IL27RA: variants seen among roughly 807,000 people sequenced by gnomAD.
IL27RA encodes interleukin 27 receptor subunit alpha.
Under a neutral mutation model 80.8 loss-of-function variants are expected in IL27RA, and 61 were observed. The observed-to-expected ratio is 0.76, with a 90% CI of 0.61 to 0.93. The LOEUF (loss-of-function observed/expected upper bound fraction) is 0.93, where lower values mean the gene tolerates loss of function less well. Among genes scored for constraint, IL27RA ranks in the 40% least tolerant of loss-of-function variants. The pLI is 0.00. For missense variants in IL27RA, 735 were observed against 808.1 expected, an observed-to-expected ratio of 0.91 and a Z score of 1.10; for synonymous variants, 316 against 332.5, an observed-to-expected ratio of 0.95 and a Z score of 0.54.
chr19:14,041,056 A>G (rs750484186), intron 4 of IL27RA, among the ~76,000 whole-genome samples: 5 of 151,900 alleles, frequency 3.3e-5, no homozygotes, highest in Non-Finnish European at 7.4e-5. Context: ...GGCATGTGCC[A>G]TCATGCCCGG....
rs1405370086 is a variant in IL27RA at position 14,039,519 on chromosome 19, A to G, written c.230A>G (p.Lys77Arg). ...HLQSQKYRSN[K>R]TQTVAVAAGR... ...CTCTCTCCTCACAGCCGTTCCAACA[A>G]AACCCAGACTGTGGCAGTGGCAGCC... The change falls in exon 3 of 14, where the codon AAA (lysine) becomes AGA (arginine). Residue 77 changes from lysine to arginine, a missense_variant. Coordinates refer to ENST00000263379, the MANE Select transcript of IL27RA (RefSeq NM_004843.4). 1.2e-6 allele frequency: 2 copies of G among 1,613,160 alleles called. No homozygotes were observed. Among genetic ancestry groups the G allele is most frequent in the Admixed American group, 1.7e-5 (1 of 59,890 alleles).
chr19:14,039,007 A>G (rs1236454336), intron 2 of IL27RA, among the ~76,000 whole-genome samples: 5 of 151,444 alleles, frequency 3.3e-5, no homozygotes, highest in African/African-American at 1.2e-4. Context: ...AGTTATGACC[A>G]GGTATGGTGG....
intron 4 of IL27RA, among the ~76,000 whole-genome samples, chr19:14,041,641 C>T (rs558890507): frequency 2.4e-4 from 36 of 152,172 alleles, no homozygotes; most frequent in Non-Finnish European, 4.4e-4. Context: ...TTACCACTTC[C>T]TGCTATACCT....
chr19:14,038,537 T>G (rs1425803342), intron 2 of IL27RA, among the ~76,000 whole-genome samples: 6 of 141,958 alleles, frequency 4.2e-5, no homozygotes, highest in Admixed American at 1.5e-4. Flanking sequence ...ATGATCGCAC[T>G]GCTCCAGTTA....
At chr19:14,040,695 G>A (rs893145332) in intron 4 of IL27RA, among the ~76,000 whole-genome samples, 1 of 151,744 alleles carries the variant, frequency 6.6e-6, no homozygotes, top group East Asian at 2.0e-4. Context: ...GCTGGTGGGT[G>A]CCTGTAGTCC....
At position 14,032,550 on chromosome 19, in the gene IL27RA, G is replaced by C. The variant is rs1193107626; in HGVS notation, c.218+47G>C. On this transcript the variant is annotated intron_variant, in intron 2 of 13. Transcript: ENST00000263379. Reference sequence around the variant, plus strand: ...GGGGAAACAGGCTTTGGAGGTGGCCGCTCAGGCCCCAGGCTGCTTTGGTTG... The same window carrying C: ...GGGGAAACAGGCTTTGGAGGTGGCCCCTCAGGCCCCAGGCTGCTTTGGTTG... 3.2e-6 allele frequency: 4 copies of C among 1,258,656 alleles called. 1 individual carries two copies. In the African/African-American group the frequency reaches 4.5e-5, roughly 14 times the overall value. 78.0% of individuals were successfully genotyped at this position (1,258,656 alleles called of 1,614,324 possible). A position where few individuals can be genotyped will look rare whatever the true frequency, so the allele number is the denominator to read the frequency against.
At chr19:14,033,789 A>C (rs1050487848) in intron 2 of IL27RA, among the ~76,000 whole-genome samples, 1 of 152,044 alleles carries the variant, frequency 6.6e-6, no homozygotes, top group African/African-American at 2.4e-5. Flanking sequence ...ACATGGTGAA[A>C]CCCTGTCTCC....
chr19:14,045,586 G>A (rs1976053133), intron 6 of IL27RA, among the ~76,000 whole-genome samples: 2 of 145,700 alleles, frequency 1.4e-5, no homozygotes, highest in Non-Finnish European at 3.0e-5. Context: ...GGGCGACAGA[G>A]CGAGACTCTG....
At chr19:14,038,584 A>G (rs549787411) in intron 2 of IL27RA, among the ~76,000 whole-genome samples, 48 of 151,406 alleles carry the variant, frequency 3.2e-4, no homozygotes, top group Admixed American at 9.3e-4. Flanking sequence ...AAAAAAAAAA[A>G]AAAAGAGAGA....
chr19:14,052,212 TG>T lies in IL27RA; in HGVS notation c.1836del (p.Tyr613MetfsTer55). ...CCCAGGCCACCGCCCCGCTTGACTC[TG>T]GGTATGAGAAGCACTTCCTGCCCAC... ...PAQATAPLDS[G>X]YEKHFLPTPE... On this transcript the variant is annotated frameshift_variant, in exon 14 of 14. Transcript: ENST00000263379. LOFTEE classifies it high-confidence loss of function. 2 of 1,602,642 alleles carry T rather than the reference TG, an allele frequency of 1.2e-6. No homozygotes were observed. The highest frequency in any genetic ancestry group is 8.5e-7 in the Non-Finnish European group (1 of 1,174,798).
At chr19:14,033,648 G>A (rs1208923014) in intron 2 of IL27RA, among the ~76,000 whole-genome samples, 1 of 151,004 alleles carries the variant, frequency 6.6e-6, no homozygotes, top group Non-Finnish European at 1.5e-5. Flanking sequence ...CTGGGTGACA[G>A]AGTGAGACTC....
intron 12 of IL27RA, 40 bp downstream of exon 12, chr19:14,051,740 A>T (rs1469249475): frequency 6.6e-7 from 1 of 1,515,452 alleles, no homozygotes; most frequent in Non-Finnish European, 9.1e-7. Flanking sequence ...CCACGTGGGG[A>T]AGGCAGCTGG....
rs1165476266 is a variant in IL27RA, at chr19:14,052,161, G to C, written c.1782G>C (p.Pro594=). The C allele has an allele frequency of 6.2e-7, 1 of 1,613,242 alleles. No homozygotes were observed. Among genetic ancestry groups the C allele is most frequent in the African/African-American group, 1.3e-5 (1 of 75,004 alleles). ...TGGAAGTGGAGGAGATGGAGCCCCCGCCGGTTATGGAGTCCTCCCAGCCCG... is the reference window on the plus strand; with the variant it reads ...TGGAAGTGGAGGAGATGGAGCCCCCCCCGGTTATGGAGTCCTCCCAGCCCG... The part of the protein sequence containing the change: ...PILEVEEMEP[P]PVMESSQPAQ... The change falls in exon 14 of 14, where the codon CCG becomes CCC. Residue 594 remains proline (P), a synonymous_variant. Coordinates refer to ENST00000263379, the MANE Select transcript of IL27RA (RefSeq NM_004843.4).
chr19:14,044,990 T>G (rs1449871018), intron 6 of IL27RA, among the ~76,000 whole-genome samples: 1 of 151,434 alleles, frequency 6.6e-6, no homozygotes, highest in Non-Finnish European at 1.5e-5. Flanking sequence ...CCGGGCGTGG[T>G]GGCAGGCACC....
Position 14,036,896 on chromosome 19 carries a change from C to T in IL27RA, c.219-2612C>T, listed in dbSNP as rs556993778. Among the ~76,000 whole-genome samples the T allele has an allele frequency of 5.9e-4, 90 of 151,418 alleles. 1 individual carries two copies. In the Middle Eastern group the frequency reaches 0.01, roughly 17 times the overall value. On this transcript the variant is annotated intron_variant, in intron 2 of 13. Coordinates refer to ENST00000263379, the MANE Select transcript of IL27RA (RefSeq NM_004843.4). ...TGTCGCTCAGGCTGGAGTGCAATGG[C>T]GTGATCTCAGCTCACTGCAACCTCT... is the stretch of plus-strand genomic sequence containing the variant.
intron 8 of IL27RA, 99 bp from the exon 9 acceptor site, chr19:14,048,882 T>A: frequency 2.0e-6 from 2 of 1,000,272 alleles, no homozygotes; most frequent in Non-Finnish European, 3.2e-6. Flanking sequence ...CAGATCCTTA[T>A]CTCAGGGTGT....
intron 8 of IL27RA, among the ~76,000 whole-genome samples, chr19:14,048,037 A>C (rs1976096683): frequency 6.6e-6 from 1 of 150,518 alleles, no homozygotes; most frequent in African/African-American, 2.4e-5. Flanking sequence ...AGCTCACTGC[A>C]GCGTCGACCT....
Position 14,034,675 on chromosome 19 carries a change from C to T in IL27RA, c.218+2172C>T, listed in dbSNP as rs1270760967. Among the ~76,000 whole-genome samples the T allele has an allele frequency of 2.0e-4, 30 of 146,770 alleles. 1 individual carries two copies. In the South Asian group the frequency reaches 4.9e-3, roughly 24 times the overall value. ...ACTCTGTCTAAAAAAAAAAAAAGGC[C>T]GGGCGCGGTGGCTCAAGCCTGTAAT... is the stretch of plus-strand genomic sequence containing the variant. On this transcript the variant is annotated intron_variant, in intron 2 of 13. Coordinates refer to ENST00000263379, the MANE Select transcript of IL27RA (RefSeq NM_004843.4).
rs1487002694 is a variant in IL27RA at position 14,046,530 on chromosome 19, T to G, written c.1053T>G (p.His351Gln). The G allele has an allele frequency of 6.2e-6, 10 of 1,613,914 alleles. No homozygotes were observed. The Admixed American group carries it at 1.7e-4, about 27-fold the overall frequency. ...WQPGPGEPLE[H>Q]VVDWARDGDP... ...CGGGGCCTGGGGAACCACTGGAGCA[T>G]GTAGTGGACTGGGCTCGAGATGGGG... The change falls in exon 8 of 14, where the codon CAT becomes CAG. Residue 351 changes from histidine to glutamine, a missense_variant. By Grantham distance (24) the His-to-Gln change is conservative. Coordinates refer to ENST00000263379, the MANE Select transcript of IL27RA (RefSeq NM_004843.4).
Sources: gnomAD v4.1 joint callset for allele counts (sites outside exome capture counted in the v4.1 genomes callset) on GRCh38, gnomAD v4.1.1 for gene constraint, MANE v1.5 for transcripts, NCBI Gene and HGNC (gene_info 2026-07-23, HGNC 2026-07-21) for gene names.